Variants in GORASP2 observed in about 807,000 individuals in gnomAD.
GORASP2 encodes Golgi reassembly-stacking protein 2.
A neutral mutation model predicts 45.7 loss-of-function variants in GORASP2; 22 were observed. The observed-to-expected ratio is 0.48, with a 90% CI of 0.34 to 0.69. GORASP2 has a LOEUF of 0.69. GORASP2 is among the 30% of genes least tolerant of loss of function. The pLI is 0.01. For missense variants in GORASP2, 491 were observed against 562.7 expected (o/e 0.87, Z 1.29); for synonymous variants, 221 against 215.6 (o/e 1.02, Z -0.22).
chr2:170,955,461 T>C (rs1704403039), intron 6 of GORASP2, among the ~76,000 whole-genome samples: 1 of 152,196 alleles, frequency 6.6e-6, no homozygotes, highest in Non-Finnish European at 1.5e-5. Flanking sequence ...TACAGGGCTT[T>C]TGAATGTTTC....
chr2:170,949,478 G>A (rs1448809929), intron 2 of GORASP2, 61 bp from the exon 3 acceptor site: 1 of 1,163,586 alleles, frequency 8.6e-7, no homozygotes, highest in East Asian at 2.4e-5. Context: ...AGGGCCATAG[G>A]ATGCTTAAGC....
At chr2:170,959,509 A>G (rs1242712502) in intron 7 of GORASP2, among the ~76,000 whole-genome samples, 1 of 152,246 alleles carries the variant, frequency 6.6e-6, no homozygotes, top group Non-Finnish European at 1.5e-5. Flanking sequence ...TTTTGAGTAA[A>G]TAAATTTAAA....
chr2:170,960,268 G>GC (rs1268763742), intron 7 of GORASP2, among the ~76,000 whole-genome samples: 1 of 152,108 alleles, frequency 6.6e-6, no homozygotes, highest in South Asian at 2.1e-4. Context: ...TACAGTAGGT[G>GC]CCCCCCAAAA....
Position 170,940,794 on chromosome 2 carries a change from G to T in GORASP2, c.64-7556G>T, listed in dbSNP as rs182398018. Among the ~76,000 whole-genome samples the T allele has an allele frequency of 5.9e-5, 9 of 151,988 alleles. No homozygotes were observed. The South Asian group carries it at 8.3e-4, about 14-fold the overall frequency. Reference sequence around the variant, plus strand: ...ATACTACATTTCATGAAGAATATAGGCCTTTATTATATCATGCATTTTTGA... The same window carrying T: ...ATACTACATTTCATGAAGAATATAGTCCTTTATTATATCATGCATTTTTGA... On this transcript the variant is annotated intron_variant, in intron 1 of 9. Transcript: ENST00000234160.
intron 1 of GORASP2, among the ~76,000 whole-genome samples, chr2:170,942,428 T>G (rs1322845437): frequency 1.3e-5 from 2 of 152,196 alleles, no homozygotes; most frequent in Admixed American, 1.3e-4. Context: ...GCTTTCTGTC[T>G]CTATGGATTT....
At chr2:170,949,062 C>T (rs1319317756) in intron 2 of GORASP2, among the ~76,000 whole-genome samples, 1 of 152,146 alleles carries the variant, frequency 6.6e-6, no homozygotes, top group East Asian at 1.9e-4. Context: ...AGGCCAACAT[C>T]TGGCCTTTAT....
chr2:170,951,508 GA>G, intron 5 of GORASP2, 50 bp downstream of exon 5: 2 of 1,375,702 alleles, frequency 1.5e-6, no homozygotes, highest in Non-Finnish European at 2.0e-6. Context: ...ATACCAGTCA[GA>G]TATGTTGCAG....
chr2:170,930,244 G>A (rs951553311), intron 1 of GORASP2, among the ~76,000 whole-genome samples: 3 of 152,212 alleles, frequency 2.0e-5, no homozygotes, highest in African/African-American at 4.8e-5. Flanking sequence ...AACGGCCTGG[G>A]CCTGGGTGGT....
At chr2:170,950,797 C>T (rs914207096) in intron 4 of GORASP2, among the ~76,000 whole-genome samples, 1 of 152,130 alleles carries the variant, frequency 6.6e-6, no homozygotes, top group African/African-American at 2.4e-5. Context: ...GTCTGGGCAG[C>T]ATAGTGAGAC....
In GORASP2 at chr2:170,934,108, A is replaced by C. The variant is rs574944499; in HGVS notation, c.63+4705A>C. ...GTACTGCTCTTTTTAAATGGTGCCTAACTAACCTATCTGCAATCCTGTTGT... is the reference window on the plus strand; with the variant it reads ...GTACTGCTCTTTTTAAATGGTGCCTCACTAACCTATCTGCAATCCTGTTGT... On this transcript the variant is annotated intron_variant, in intron 1 of 9. Coordinates refer to ENST00000234160, the MANE Select transcript of GORASP2 (RefSeq NM_015530.5). 6.0e-4 allele frequency among the ~76,000 whole-genome samples: 92 copies of C among 152,290 alleles called. 1 individual carries two copies. The highest frequency in any genetic ancestry group is 2.2e-3 in the African/African-American group (90 of 41,566).
intron 5 of GORASP2, 118 bp downstream of exon 5, chr2:170,951,576 A>T: frequency 1.2e-6 from 1 of 809,184 alleles, no homozygotes. Context: ...ACTCCTCTTA[A>T]AAAAAAGGGA....
rs781424369 is a variant in GORASP2 at position 170,965,941 on chromosome 2, C to T, written c.1170C>T (p.Thr390=). Residue 390 remains threonine, a synonymous_variant, in exon 10 of 10, where the codon ACC becomes ACT. Transcript: ENST00000234160. ...AGCTGCTGTCTTCCCTCCCGCCCAC[C>T]AGCAACGCACCCTCCGACCCTGCCA... ...SGELLSSLPP[T]SNAPSDPATT... is the part of the protein sequence containing the mutation. 16 of 1,613,866 alleles carry T rather than the reference C, an allele frequency of 9.9e-6. No homozygotes were observed. In the South Asian group the frequency reaches 1.2e-4, roughly 12 times the overall value.
chr2:170,950,311 T>C (rs745595370), intron 4 of GORASP2, 21 bp downstream of exon 4: 4 of 1,155,088 alleles, frequency 3.5e-6, no homozygotes, highest in Non-Finnish European at 5.0e-6. Context: ...TGTTTATTCA[T>C]AGTGAGAACT....
intron 1 of GORASP2, among the ~76,000 whole-genome samples, chr2:170,942,043 T>C (rs1216520128): frequency 6.6e-6 from 1 of 152,182 alleles, no homozygotes; most frequent in Non-Finnish European, 1.5e-5. Context: ...TTCATTCTGA[T>C]AGATGTGTAG....
intron 9 of GORASP2, among the ~76,000 whole-genome samples, chr2:170,964,262 C>T (rs894172204): frequency 1.3e-5 from 2 of 152,214 alleles, no homozygotes; most frequent in Non-Finnish European, 2.9e-5. Context: ...GCATCGTCAC[C>T]ATCTTGTTTC....
chr2:170,959,873 G>A (rs1437904080), intron 7 of GORASP2, among the ~76,000 whole-genome samples: 1 of 144,894 alleles, frequency 6.9e-6, no homozygotes, highest in Non-Finnish European at 1.5e-5. Flanking sequence ...TCAGGCTGGA[G>A]TGCAGTGGTA....
At chr2:170,956,151 A>C (rs571427279) in intron 6 of GORASP2, among the ~76,000 whole-genome samples, 1 of 152,346 alleles carries the variant, frequency 6.6e-6, no homozygotes, top group East Asian at 1.9e-4. Flanking sequence ...GAGAGAGTAG[A>C]ATCTCTTCTA....
intron 1 of GORASP2, among the ~76,000 whole-genome samples, chr2:170,938,992 C>CA (rs370446137): frequency 8.6e-5 from 13 of 151,104 alleles, no homozygotes; most frequent in African/African-American, 2.9e-4. Context: ...AACTCCATCT[C>CA]AAAAAAAAGA....
intron 2 of GORASP2, among the ~76,000 whole-genome samples, chr2:170,949,018 T>A (rs1392761260): frequency 1.3e-5 from 2 of 152,188 alleles, no homozygotes; most frequent in East Asian, 3.8e-4. Context: ...TAAGTTTTCG[T>A]TCATTACTTA....
Sources: allele counts gnomAD v4.1 joint callset (sites outside exome capture counted in the v4.1 genomes callset), GRCh38; gene constraint gnomAD v4.1.1; transcripts MANE v1.5; gene names NCBI Gene and HGNC (gene_info 2026-07-23, HGNC 2026-07-21).